The following SND1 variants were observed in gnomAD, a reference collection of about 807,000 sequenced individuals.
SND1 encodes the protein staphylococcal nuclease and tudor domain containing 1, also known as staphylococcal nuclease domain-containing protein 1.
In SND1, 38 loss-of-function variants were observed where a neutral mutation model predicts 121.7. The ratio of observed to expected loss-of-function variants is 0.31; its 90% CI spans 0.24 to 0.41. The LOEUF (loss-of-function observed/expected upper bound fraction) is 0.41. Ranked by LOEUF, SND1 falls within the 10% of genes least tolerant of loss-of-function variation. SND1 has a pLI of 1.00. For missense variants in SND1, 868 were observed against 1,184.6 expected (o/e 0.73, Z 3.92); for synonymous variants, 401 against 447.4 (o/e 0.90, Z 1.31).
At chr7:127,697,324 C>T (rs1028209465) in intron 3 of SND1, among the ~76,000 whole-genome samples, 3 of 152,220 alleles carry the variant, frequency 2.0e-5, no homozygotes, top group African/African-American at 7.2e-5. Context: ...AGATACTTTT[C>T]TCCTTTTTGC....
At chr7:128,046,353 G>T (rs574769517) in intron 16 of SND1, among the ~76,000 whole-genome samples, 38 of 144,806 alleles carry the variant, frequency 2.6e-4, no homozygotes, top group African/African-American at 8.6e-4. Context: ...TTTTTTTTTT[G>T]GTTGTTGTTG....
At chr7:127,871,111 C>T (rs1004742004) in intron 12 of SND1, among the ~76,000 whole-genome samples, 10 of 152,112 alleles carry the variant, frequency 6.6e-5, no homozygotes, top group African/African-American at 2.4e-4. Context: ...TATATCTTGT[C>T]CCACTGGAAG....
At chr7:127,714,182 T>A (rs1796346378) in intron 9 of SND1, among the ~76,000 whole-genome samples, 1 of 152,108 alleles carries the variant, frequency 6.6e-6, no homozygotes, top group South Asian at 2.1e-4. Flanking sequence ...TGTACCTATA[T>A]ATAGATTAAG....
chr7:127,987,342 T>C (rs913136576), intron 15 of SND1, among the ~76,000 whole-genome samples: 4 of 152,188 alleles, frequency 2.6e-5, no homozygotes, highest in African/African-American at 9.7e-5. Context: ...AGCCCAGCAG[T>C]GCAGGCATTG....
chr7:127,932,287 C>T (rs111935131), intron 15 of SND1, among the ~76,000 whole-genome samples: 220 of 152,250 alleles, frequency 1.4e-3, no homozygotes, highest in African/African-American at 4.7e-3. Flanking sequence ...GAGTTCAAGA[C>T]TTCAATGGAG....
chr7:127,721,160 A>T, intron 9 of SND1, 127 bp from the exon 10 acceptor site: 2 of 573,582 alleles, frequency 3.5e-6, no homozygotes, highest in Non-Finnish European at 6.4e-6. Flanking sequence ...ACCATGAAGG[A>T]TGATACTGTT....
intron 9 of SND1, among the ~76,000 whole-genome samples, chr7:127,714,862 G>A (rs920596706): frequency 2.0e-5 from 3 of 152,194 alleles, no homozygotes; most frequent in African/African-American, 4.8e-5. Flanking sequence ...TCCATTGTAT[G>A]TGTATACATT....
At chr7:127,997,505 T>C (rs1347835800) in intron 16 of SND1, 2 of 344,088 alleles carry the variant, frequency 5.8e-6, no homozygotes, top group Non-Finnish European at 5.7e-6. Flanking sequence ...CTGCTTCATC[T>C]GCTGTTTGAT....
At chr7:127,669,999 A>ATT (rs765413422) in intron 1 of SND1, among the ~76,000 whole-genome samples, 5 of 143,836 alleles carry the variant, frequency 3.5e-5, no homozygotes, top group Non-Finnish European at 6.1e-5. Flanking sequence ...ACTAATTCTA[A>ATT]TTTTTTTTTT....
chr7:127,991,873 G>A (rs6467155), intron 16 of SND1, among the ~76,000 whole-genome samples: 106,978 of 152,128 alleles, frequency 0.7, 39,253 homozygotes, highest in African/African-American at 0.91. Context: ...ATACCTGTTT[G>A]TAAGCTTCAG....
chr7:127,853,368 A>G (rs961701419), intron 12 of SND1, among the ~76,000 whole-genome samples: 2 of 152,226 alleles, frequency 1.3e-5, no homozygotes, highest in African/African-American at 4.8e-5. Flanking sequence ...TCTAATGTTG[A>G]GAAATCTGCA....
At chr7:127,918,350 G>A (rs77462875) in intron 14 of SND1, among the ~76,000 whole-genome samples, 2,466 of 152,146 alleles carry the variant, frequency 0.016, 90 homozygotes, top group African/African-American at 0.057. Context: ...ACAGGCGTGA[G>A]TCACCGCCCC....
At chr7:127,963,224 G>T (rs1000603428) in intron 15 of SND1, among the ~76,000 whole-genome samples, 1 of 151,254 alleles carries the variant, frequency 6.6e-6, no homozygotes, top group South Asian at 2.1e-4. Flanking sequence ...AGTACCCAGA[G>T]ATAAGACTAG....
chr7:127,670,210 A>T (rs1287293435), intron 1 of SND1, among the ~76,000 whole-genome samples: 1 of 152,032 alleles, frequency 6.6e-6, no homozygotes, highest in Non-Finnish European at 1.5e-5. Context: ...GCTGGTCTCG[A>T]ACTCCTGATC....
At chr7:127,731,474 T>A (rs541801201) in intron 10 of SND1, among the ~76,000 whole-genome samples, 152 of 152,278 alleles carry the variant, frequency 1.0e-3, no homozygotes, top group Non-Finnish European at 1.5e-3. Context: ...CATGCAGGGT[T>A]CCTCACAGCT....
intron 10 of SND1, among the ~76,000 whole-genome samples, chr7:127,758,374 A>G (rs1267977996): frequency 6.6e-6 from 1 of 152,106 alleles, no homozygotes; most frequent in Admixed American, 6.5e-5. Flanking sequence ...TACTTTAGTG[A>G]GATTTTAGTG....
chr7:127,774,526 T>C (rs1430936640), intron 10 of SND1, among the ~76,000 whole-genome samples: 3 of 152,126 alleles, frequency 2.0e-5, no homozygotes, highest in Admixed American at 6.5e-5. Context: ...GCCACAGTCA[T>C]GGAACACGCT....
At position 127,704,094 on chromosome 7, in the gene SND1, T is replaced by C. The variant is rs181258765; in HGVS notation, c.841-745T>C. 3.0e-4 allele frequency among the ~76,000 whole-genome samples: 45 copies of C among 152,344 alleles called. No homozygotes were observed. In the East Asian group the frequency reaches 8.3e-3, roughly 28 times the overall value. ...GAGTAGGTTCTTTATGTTCTTATAG[T>C]TCCGATTCTTGGATGTTTTACCTTA... On this transcript the variant is annotated intron_variant, in intron 7 of 23. Coordinates refer to ENST00000354725, the MANE Select transcript of SND1 (RefSeq NM_014390.4).
intron 22 of SND1, 50 bp from the exon 23 acceptor site, chr7:128,091,787 A>C: frequency 5.0e-6 from 8 of 1,601,168 alleles, no homozygotes; most frequent in Non-Finnish European, 6.8e-6. Flanking sequence ...CTGCTGGCTG[A>C]TCATTTGAGG....
Sources: allele counts gnomAD v4.1 joint callset (sites outside exome capture counted in the v4.1 genomes callset), GRCh38; gene constraint gnomAD v4.1.1; transcripts MANE v1.5; gene names NCBI Gene and HGNC (gene_info 2026-07-23, HGNC 2026-07-21).